ZNRF3: variants seen among roughly 807,000 people sequenced by gnomAD.
The protein encoded by ZNRF3 is E3 ubiquitin-protein ligase ZNRF3.
ZNRF3 carries 23 observed loss-of-function variants against 72.5 expected under a neutral mutation model. The ratio of observed to expected loss-of-function variants is 0.32; its 90% confidence interval spans 0.23 to 0.45. ZNRF3 has a LOEUF of 0.45. Ranked by LOEUF, ZNRF3 falls within the 20% of genes least tolerant of loss-of-function variation. The probability of loss-of-function intolerance (pLI) is 1.00; values close to 1 mark genes in which losing one functional copy is unlikely to be tolerated. For synonymous variants in ZNRF3, 610 were observed against 545.3 expected (o/e 1.12, Z -1.65); for missense variants, 1,169 against 1,272.1 (o/e 0.92, Z 1.23).
chr22:28,960,563 A>G (rs555835506), intron 1 of ZNRF3, among the ~76,000 whole-genome samples: 2 of 152,314 alleles, frequency 1.3e-5, no homozygotes, highest in East Asian at 1.9e-4. Context: ...CCTGAACTCA[A>G]GGTTCTCAAA....
intron 2 of ZNRF3, among the ~76,000 whole-genome samples, chr22:29,036,391 A>C (rs1358497660): frequency 6.6e-6 from 1 of 152,184 alleles, no homozygotes; most frequent in Non-Finnish European, 1.5e-5. Context: ...AGGATTAGTA[A>C]TGTTAGTATT....
chr22:28,987,345 C>T, intron 2 of ZNRF3, 144 bp downstream of exon 2: 2 of 1,278,100 alleles, frequency 1.6e-6, no homozygotes, highest in South Asian at 1.6e-5. Context: ...GAGGTGGGGA[C>T]TGAGACATGC....
chr22:29,008,836 A>G (rs1038181714), intron 2 of ZNRF3, among the ~76,000 whole-genome samples: 2 of 152,220 alleles, frequency 1.3e-5, no homozygotes, highest in Non-Finnish European at 1.5e-5. Context: ...TCTTGTTTAA[A>G]TTCTGTGGCT....
intron 1 of ZNRF3, among the ~76,000 whole-genome samples, chr22:28,961,372 C>T (rs2035355665): frequency 6.6e-6 from 1 of 152,196 alleles, no homozygotes; most frequent in African/African-American, 2.4e-5. Flanking sequence ...CATCCCATCC[C>T]ATTGGGACAA....
At chr22:28,917,268 AACAC>A (rs10533572) in intron 1 of ZNRF3, 3,843 of 171,436 alleles carry the variant, frequency 0.022, 132 homozygotes, top group African/African-American at 0.071. Flanking sequence ...TTGGGGATAA[AACAC>A]ACACACACAC....
intron 3 of ZNRF3, 38 bp downstream of exon 3, chr22:29,042,607 T>C: frequency 1.3e-6 from 2 of 1,585,368 alleles, no homozygotes; most frequent in Non-Finnish European, 1.7e-6. Context: ...GCAGCCTCCC[T>C]GAGAAAGGCA....
At chr22:28,885,558 A>G (rs866966415) in intron 1 of ZNRF3, among the ~76,000 whole-genome samples, 218 of 141,086 alleles carry the variant, frequency 1.5e-3, no homozygotes, top group African/African-American at 5.5e-3. Flanking sequence ...TTGTGTCCTG[A>G]TGGTTTTAGA....
chr22:28,977,865 G>C (rs894168463), intron 1 of ZNRF3, among the ~76,000 whole-genome samples: 1 of 152,198 alleles, frequency 6.6e-6, no homozygotes, highest in Non-Finnish European at 1.5e-5. Context: ...ATATCTCAAG[G>C]ATTTTGTACT....
intron 1 of ZNRF3, among the ~76,000 whole-genome samples, chr22:28,935,445 T>C (rs1320296491): frequency 6.6e-6 from 1 of 152,234 alleles, no homozygotes; most frequent in Non-Finnish European, 1.5e-5. Flanking sequence ...GTGGCTTTGC[T>C]TTCTGGGTGC....
chr22:28,898,906 G>A (rs1186384410), intron 1 of ZNRF3, among the ~76,000 whole-genome samples: 1 of 131,220 alleles, frequency 7.6e-6, no homozygotes, highest in Non-Finnish European at 1.6e-5. Flanking sequence ...GCTTAGTTCT[G>A]TATAAGTTGA....
At chr22:29,011,832 G>C (rs571645630) in intron 2 of ZNRF3, among the ~76,000 whole-genome samples, 12 of 152,352 alleles carry the variant, frequency 7.9e-5, no homozygotes, top group African/African-American at 2.6e-4. Flanking sequence ...AGATGGAAGG[G>C]TTTCTATTTT....
At chr22:29,008,718 T>G (rs16986951) in intron 2 of ZNRF3, among the ~76,000 whole-genome samples, 6,736 of 152,226 alleles carry the variant, frequency 0.044, 202 homozygotes, top group African/African-American at 0.072. Flanking sequence ...AGATTGTTGG[T>G]TTTTCACTGG....
chr22:29,042,512 G>T lies in ZNRF3; in HGVS notation c.444G>T (p.Gln148His). Residue 148 changes from glutamine to histidine, a missense_variant, in exon 3 of 9, where the codon CAG (glutamine) becomes CAT (histidine). Transcript: ENST00000544604. ...TVLGKAKRAV[Q>H]RGATAVIFDV... is the part of the protein sequence containing the mutation. ...TCTGGCAGGCCAAGCGAGCAGTACA[G>T]CGGGGAGCTACTGCAGTCATCTTTG... 6.2e-7 allele frequency: 1 copy of T among 1,613,874 alleles called. No homozygotes were observed. Among genetic ancestry groups the T allele is most frequent in the Non-Finnish European group, 8.5e-7 (1 of 1,180,018 alleles).
chr22:29,050,308 G>A lies in ZNRF3; in HGVS notation c.2127G>A (p.Ser709=), dbSNP rs1217780184. 3.1e-6 allele frequency: 5 copies of A among 1,599,006 alleles called. No individual in the cohort carries two copies. The highest frequency in any genetic ancestry group is 4.5e-5 in the East Asian group (2 of 44,768). The change falls in exon 8 of 9, where the codon TCG becomes TCA. Residue 709 remains serine, a synonymous_variant. Coordinates refer to ENST00000544604, the MANE Select transcript of ZNRF3 (RefSeq NM_001206998.2). ...RTWKGGHELP[S]CACCCEPQPS... ...GGAAGGGGGGCCACGAGTTGCCGTCGTGTGCCTGCTGCTGCGAGCCCCAGC... is the reference window on the plus strand; with the variant it reads ...GGAAGGGGGGCCACGAGTTGCCGTCATGTGCCTGCTGCTGCGAGCCCCAGC...
chr22:29,004,294 T>C (rs191054902), intron 2 of ZNRF3, among the ~76,000 whole-genome samples: 18 of 152,202 alleles, frequency 1.2e-4, no homozygotes, highest in Middle Eastern at 3.4e-3. Flanking sequence ...TTTAGTCATA[T>C]TGCTTCTTCT....
chr22:28,939,742 T>C (rs1291593060), intron 1 of ZNRF3, among the ~76,000 whole-genome samples: 1 of 152,160 alleles, frequency 6.6e-6, no homozygotes, highest in Non-Finnish European at 1.5e-5. Context: ...AAATATTAGT[T>C]GTAGAACCAG....
intron 1 of ZNRF3, among the ~76,000 whole-genome samples, chr22:28,924,902 G>T (rs76653476): frequency 0.011 from 1,731 of 152,138 alleles, 24 homozygotes; most frequent in African/African-American, 0.04. Flanking sequence ...AGGAGAGAGG[G>T]GTCTCCAAGA....
chr22:28,950,817 C>G (rs190094346), intron 1 of ZNRF3, among the ~76,000 whole-genome samples: 1 of 152,290 alleles, frequency 6.6e-6, no homozygotes, highest in Admixed American at 6.5e-5. Context: ...TAAGGTGAGC[C>G]CAGTTTCCCA....
At chr22:28,949,044 A>G (rs1601593224) in intron 1 of ZNRF3, among the ~76,000 whole-genome samples, 1 of 152,104 alleles carries the variant, frequency 6.6e-6, no homozygotes, top group East Asian at 1.9e-4. Flanking sequence ...CAATGGCGTG[A>G]TCTCGGCTCA....
Sources: allele counts gnomAD v4.1 joint callset (sites outside exome capture counted in the v4.1 genomes callset), GRCh38; gene constraint gnomAD v4.1.1; transcripts MANE v1.5; gene names NCBI Gene and HGNC (gene_info 2026-07-23, HGNC 2026-07-21).